UBR3: variants seen among roughly 807,000 people sequenced by gnomAD.
The protein encoded by UBR3 is E3 ubiquitin-protein ligase UBR3.
UBR3 carries 85 observed loss-of-function variants against 243.2 expected under a neutral mutation model. That is an observed-to-expected ratio of 0.35 (90% confidence interval 0.29 to 0.42). The LOEUF (loss-of-function observed/expected upper bound fraction) is 0.42, where lower values mean the gene tolerates loss of function less well. UBR3 is among the 10% of genes least tolerant of loss of function. The pLI, the probability that UBR3 is intolerant of heterozygous loss-of-function variation, is 1.00. For synonymous variants in UBR3, 748 were observed against 799.8 expected (o/e 0.94, Z 1.09); for missense variants, 1,686 against 2,300.8 (o/e 0.73, Z 5.47).
Position 170,033,798 on chromosome 2 carries a change from GA to G in UBR3, c.4556+4354del, listed in dbSNP as rs542386600. Reference sequence around the variant, plus strand: ...TATATACTTTTTTCTATAATCCTATGAAAATTATTTTATTTCCTTCTAATTT... The same window carrying G: ...TATATACTTTTTTCTATAATCCTATGAAATTATTTTATTTCCTTCTAATTT... On this transcript the variant is annotated intron_variant, in intron 31 of 38. Transcript: ENST00000272793. Among the ~76,000 whole-genome samples the G allele has an allele frequency of 2.3e-4, 35 of 151,208 alleles. No individual in the cohort carries two copies. The South Asian group carries it at 7.3e-3, about 32-fold the overall frequency.
intron 35 of UBR3, among the ~76,000 whole-genome samples, chr2:170,069,362 T>G (rs1256429124): frequency 6.6e-6 from 1 of 152,082 alleles, no homozygotes; most frequent in Admixed American, 6.5e-5. Context: ...ATATGTAATG[T>G]TTTGATATAT....
chr2:169,905,879 C>G (rs1043140931), intron 9 of UBR3, among the ~76,000 whole-genome samples, 152 bp from the exon 10 acceptor site: 7 of 152,270 alleles, frequency 4.6e-5, no homozygotes, highest in Admixed American at 4.6e-4. Context: ...TAGATTGTTT[C>G]ATTTTTAGTA....
chr2:169,844,177 T>C (rs1388604948), intron 1 of UBR3, among the ~76,000 whole-genome samples: 3 of 152,136 alleles, frequency 2.0e-5, no homozygotes, highest in African/African-American at 7.2e-5. Flanking sequence ...TGGCTAATTT[T>C]TGTATTTTTA....
intron 1 of UBR3, among the ~76,000 whole-genome samples, chr2:169,834,848 G>A (rs1444399336): frequency 6.6e-6 from 1 of 152,196 alleles, no homozygotes; most frequent in African/African-American, 2.4e-5. Flanking sequence ...ATAAAATTCT[G>A]ACACATTAGA....
chr2:169,939,419 C>T lies in UBR3; in HGVS notation c.2664-3074C>T, dbSNP rs372976143. 8.0e-5 allele frequency among the ~76,000 whole-genome samples: 10 copies of T among 125,178 alleles called. No homozygotes were observed. In the East Asian group the frequency reaches 1.5e-3, roughly 19 times the overall value. The allele number at this position is 125,178 out of a possible 152,430, so 82.1% of individuals were successfully genotyped here. Reference sequence around the variant, plus strand: ...GACTACAGGCGCCTGCCACCACGCCCGGCTAATTTTTTGTATTTTTTTTTT... The same window carrying T: ...GACTACAGGCGCCTGCCACCACGCCTGGCTAATTTTTTGTATTTTTTTTTT... On this transcript the variant is annotated intron_variant, in intron 19 of 38. Transcript: ENST00000272793.
intron 24 of UBR3, among the ~76,000 whole-genome samples, chr2:169,966,709 A>T (rs2087826519): frequency 6.6e-6 from 1 of 152,172 alleles, no homozygotes. Flanking sequence ...ACATTGTTAC[A>T]AAGGAATTTT....
chr2:170,024,353 CAAAA>C (rs10606818), intron 30 of UBR3, among the ~76,000 whole-genome samples: 4 of 101,956 alleles, frequency 3.9e-5, no homozygotes, highest in East Asian at 4.7e-4. Flanking sequence ...GACTCCATCT[CAAAA>C]AAAAAAAAAA....
At chr2:169,865,047 A>G (rs1001764332) in intron 1 of UBR3, among the ~76,000 whole-genome samples, 3 of 152,064 alleles carry the variant, frequency 2.0e-5, no homozygotes, top group Non-Finnish European at 4.4e-5. Flanking sequence ...GATGGCACCA[A>G]GGCACTCCAG....
intron 26 of UBR3, among the ~76,000 whole-genome samples, chr2:169,999,917 G>A (rs370845780): frequency 6.6e-5 from 10 of 152,102 alleles, no homozygotes; most frequent in South Asian, 6.2e-4. Flanking sequence ...CCCTGAGGTC[G>A]GGAGTTCGAG....
At position 169,863,860 on chromosome 2, in the gene UBR3, G is replaced by C. The variant is rs114268771; in HGVS notation, c.546-8376G>C. 7.7e-3 allele frequency among the ~76,000 whole-genome samples: 1,174 copies of C among 152,212 alleles called. 13 individuals carry two copies. Among genetic ancestry groups the C allele is most frequent in the African/African-American group, 0.026 (1,062 of 41,526 alleles). ...CGGAATTGGTACAATCTAAACACAC[G>C]AAGTAAAAATAGCAAACTTTCTCCC... On this transcript the variant is annotated intron_variant, in intron 1 of 38. Transcript: ENST00000272793.
intron 1 of UBR3, among the ~76,000 whole-genome samples, chr2:169,856,523 T>C (rs1409482448): frequency 6.6e-6 from 1 of 152,100 alleles, no homozygotes; most frequent in African/African-American, 2.4e-5. Context: ...ATCACGCCAC[T>C]GCACTCCAGC....
intron 27 of UBR3, among the ~76,000 whole-genome samples, chr2:170,004,999 G>A (rs1459317698): frequency 1.3e-5 from 2 of 152,062 alleles, no homozygotes; most frequent in East Asian, 1.9e-4. Flanking sequence ...CGAGGCGGAT[G>A]GATCACGAGG....
At chr2:169,853,497 C>G (rs1046951139) in intron 1 of UBR3, among the ~76,000 whole-genome samples, 1 of 151,472 alleles carries the variant, frequency 6.6e-6, no homozygotes, top group Admixed American at 6.6e-5. Context: ...GTTGCCCAGG[C>G]TAGAGTGCAG....
chr2:169,888,951 G>C (rs2084219331), intron 5 of UBR3, among the ~76,000 whole-genome samples: 1 of 151,712 alleles, frequency 6.6e-6, no homozygotes, highest in African/African-American at 2.4e-5. Flanking sequence ...ACATTGTGAT[G>C]AATAGGTATG....
At chr2:169,877,679 T>C in intron 4 of UBR3, 42 bp downstream of exon 4, 1 of 1,502,288 alleles carries the variant, frequency 6.7e-7, no homozygotes, top group Non-Finnish European at 8.8e-7. Context: ...AACTTTTCTG[T>C]ATTAAAACCA....
In UBR3 at chr2:169,949,974, A is replaced by T; in HGVS notation, c.3454A>T (p.Ile1152Phe). The T allele has an allele frequency of 1.2e-6, 2 of 1,613,766 alleles. No homozygotes were observed. The highest frequency in any genetic ancestry group is 1.7e-6 in the Non-Finnish European group (2 of 1,179,740). ...ATCGCAAAGTAGAATGAACAAACGC[A>T]TCATTGAAGAGATATGTAGAAAAGT... ...AASQSRMNKR[I>F]IEEICRKVTP... The change falls in exon 23 of 39, where the codon ATC becomes TTC. Residue 1152 changes from isoleucine (I) to phenylalanine (F), a missense_variant. By Grantham distance (21) the Ile-to-Phe change is conservative. This residue lies in a region of UBR3 where 300 missense variants were observed against 314.4 expected (regional missense o/e 0.95). Transcript: ENST00000272793.
At chr2:170,073,387 T>C in intron 35 of UBR3, 41 bp from the exon 36 acceptor site, 3 of 1,605,818 alleles carry the variant, frequency 1.9e-6, no homozygotes, top group Non-Finnish European at 2.6e-6. Context: ...GAAATGTTCT[T>C]GATGAAATAT....
intron 5 of UBR3, among the ~76,000 whole-genome samples, chr2:169,887,256 G>A (rs2084137840): frequency 6.6e-6 from 1 of 152,140 alleles, no homozygotes; most frequent in East Asian, 1.9e-4. Flanking sequence ...CATGCTCAGG[G>A]TCTATTTAAG....
chr2:170,058,568 T>C (rs1461037320), intron 33 of UBR3, among the ~76,000 whole-genome samples: 1 of 150,612 alleles, frequency 6.6e-6, no homozygotes, highest in Admixed American at 6.7e-5. Context: ...CACGTTGGAG[T>C]GCAGTGGCAT....
Sources: allele counts gnomAD v4.1 joint callset (sites outside exome capture counted in the v4.1 genomes callset), GRCh38; gene constraint gnomAD v4.1.1; regional missense constraint gnomAD v4.1.1; transcripts MANE v1.5; gene names NCBI Gene and HGNC (gene_info 2026-07-23, HGNC 2026-07-21).